TTK: variants seen among roughly 807,000 people sequenced by gnomAD.
TTK encodes dual specificity protein kinase TTK.
Under a neutral mutation model 117.3 loss-of-function variants are expected in TTK, and 59 were observed. The observed-to-expected ratio is 0.50, with a 90% CI of 0.41 to 0.62. The LOEUF (loss-of-function observed/expected upper bound fraction) is 0.62, where lower values mean the gene tolerates loss of function less well. Among genes scored for constraint, TTK ranks in the 20% least tolerant of loss-of-function variants. The pLI is 0.00. For missense variants in TTK, 921 were observed against 989.4 expected (o/e 0.93, Z 0.93); for synonymous variants, 302 against 325.0 (o/e 0.93, Z 0.76).
intron 15 of TTK, 37 bp downstream of exon 15, chr6:80,035,179 TG>T: frequency 3.3e-6 from 5 of 1,529,522 alleles, no homozygotes; most frequent in Non-Finnish European, 4.4e-6. Context: ...GAAAACTTTT[TG>T]CCATAATTCT....
Position 80,011,458 on chromosome 6 carries a change from A to T in TTK, c.638A>T (p.Glu213Val). ...LSASTVLTAQ[E>V]SFSGSLGHLQ... is the part of the protein sequence containing the mutation. Reference sequence around the variant, plus strand: ...GCATCTACGGTATTAACTGCCCAAGAATCATTTTCCGGTTCACTTGGGCAT... The same window carrying T: ...GCATCTACGGTATTAACTGCCCAAGTATCATTTTCCGGTTCACTTGGGCAT... The change falls in exon 6 of 22, where the codon GAA (glutamate) becomes GTA (valine). Residue 213 changes from glutamate to valine, a missense_variant. Coordinates refer to ENST00000369798, the MANE Select transcript of TTK (RefSeq NM_003318.5). 1 of 1,604,334 alleles carries T rather than the reference A, an allele frequency of 6.2e-7. No homozygotes were observed. The highest frequency in any genetic ancestry group is 1.1e-5 in the South Asian group (1 of 88,686).
chr6:80,036,359 T>C (rs757224679), intron 16 of TTK, 116 bp from the exon 17 acceptor site: 5 of 1,213,916 alleles, frequency 4.1e-6, no homozygotes, highest in African/African-American at 3.1e-5. Context: ...AAAAAAATTA[T>C]TGAATTGGGT....
chr6:80,040,049 C>A, intron 19 of TTK, 147 bp from the exon 20 acceptor site: 1 of 937,788 alleles, frequency 1.1e-6, no homozygotes, highest in Non-Finnish European at 1.5e-6. Flanking sequence ...GCAAAAGTGC[C>A]TTGGGAGAAA....
chr6:80,039,669 T>C, intron 18 of TTK, 27 bp from the exon 19 acceptor site: 2 of 1,478,700 alleles, frequency 1.4e-6, no homozygotes, highest in Non-Finnish European at 8.9e-7. Context: ...ACAGCAACTT[T>C]TTTGTGTTTG....
chr6:80,005,464 C>G (rs1050235884), intron 1 of TTK, among the ~76,000 whole-genome samples: 1 of 152,174 alleles, frequency 6.6e-6, no homozygotes, highest in African/African-American at 2.4e-5. Flanking sequence ...ATTCCCATTG[C>G]CAAACGAATT....
At chr6:80,013,223 T>G in intron 8 of TTK, 56 bp from the exon 9 acceptor site, 1 of 1,441,156 alleles carries the variant, frequency 6.9e-7, no homozygotes. Flanking sequence ...AAAAATACAT[T>G]GAAAATTTTT....
intron 16 of TTK, among the ~76,000 whole-genome samples, chr6:80,035,637 A>T (rs540080006): frequency 6.6e-6 from 1 of 152,272 alleles, no homozygotes; most frequent in South Asian, 2.1e-4. Context: ...GACATCTGTA[A>T]TACAAAATGT....
intron 13 of TTK, among the ~76,000 whole-genome samples, chr6:80,029,011 G>A (rs239582): frequency 6.6e-6 from 1 of 151,928 alleles, no homozygotes; most frequent in Non-Finnish European, 1.5e-5. Flanking sequence ...AGTTAATATA[G>A]ACGTAACTCC....
At chr6:80,041,495 T>C (rs1171881143) in intron 21 of TTK, among the ~76,000 whole-genome samples, 5 of 151,656 alleles carry the variant, frequency 3.3e-5, no homozygotes, top group Admixed American at 6.6e-5. Context: ...CCAAATTTGT[T>C]TTGTAATTGC....
Position 80,026,418 on chromosome 6 carries a change from C to T in TTK, c.1298C>T (p.Ser433Leu), listed in dbSNP as rs74677005. The change falls in exon 12 of 22, where the codon TCA becomes TTA. Residue 433 changes from serine (S) to leucine (L), a missense_variant. Coordinates refer to ENST00000369798, the MANE Select transcript of TTK (RefSeq NM_003318.5). ...TTFEQPVFSVSKQSPPISTSK... is the reference protein window; with the variant it reads ...TTFEQPVFSVLKQSPPISTSK... ...TTTGAGCAACCTGTCTTTTCAGTTT[C>T]AAAACAGTCACCACCAATATCAACA... 6.2e-7 allele frequency: 1 copy of T among 1,613,428 alleles called. No individual in the cohort carries two copies. Among genetic ancestry groups the T allele is most frequent in the Non-Finnish European group, 8.5e-7 (1 of 1,179,810 alleles).
Position 80,035,404 on chromosome 6 carries a change from A to C in TTK, c.1911A>C (p.Thr637=), listed in dbSNP as rs753312816. 87 of 1,604,910 alleles carry C rather than the reference A, an allele frequency of 5.4e-5. No individual in the cohort carries two copies. In the South Asian group the frequency reaches 8.1e-4, roughly 15 times the overall value. Residue 637 remains threonine, a synonymous_variant, in exon 16 of 22, where the codon ACA becomes ACC. Transcript: ENST00000369798. ...AAAATATGTTAGAGGCAGTTCACAC[A>C]ATCCATCAACATGGTATTTAACAGT... ...YWKNMLEAVH[T]IHQHGIVHSD... is the part of the protein sequence containing the mutation.
chr6:80,040,118 A>G, intron 19 of TTK, 78 bp from the exon 20 acceptor site: 1 of 1,158,144 alleles, frequency 8.6e-7, no homozygotes, highest in Non-Finnish European at 1.2e-6. Context: ...AATATAATGT[A>G]ATCTGGAAAA....
At chr6:80,021,316 G>T (rs917474281) in intron 10 of TTK, among the ~76,000 whole-genome samples, 1 of 152,198 alleles carries the variant, frequency 6.6e-6, no homozygotes, top group Non-Finnish European at 1.5e-5. Context: ...TGGCTCCTGC[G>T]TTGGCCTGGT....
At chr6:80,033,070 C>T (rs920177918) in intron 14 of TTK, among the ~76,000 whole-genome samples, 1 of 152,096 alleles carries the variant, frequency 6.6e-6, no homozygotes, top group African/African-American at 2.4e-5. Flanking sequence ...AAAAATCAAA[C>T]TTGTTTCTCC....
intron 12 of TTK, 33 bp downstream of exon 12, chr6:80,026,547 G>C (rs1397436300): frequency 6.2e-7 from 1 of 1,610,574 alleles, no homozygotes; most frequent in Non-Finnish European, 8.5e-7. Flanking sequence ...TGATTGGCAG[G>C]GTGGTATGAT....
intron 14 of TTK, among the ~76,000 whole-genome samples, chr6:80,034,208 C>A (rs977006228): frequency 2.8e-4 from 42 of 152,100 alleles, no homozygotes; most frequent in Admixed American, 1.0e-3. Context: ...AGGCAGTGAC[C>A]AACTTTTAAG....
intron 10 of TTK, among the ~76,000 whole-genome samples, chr6:80,019,406 CATAAG>C (rs1397883447): frequency 6.6e-6 from 1 of 152,122 alleles, no homozygotes; most frequent in African/African-American, 2.4e-5. Context: ...CATGCTTTCC[CATAAG>C]ATAATTTTTT....
intron 1 of TTK, chr6:80,004,990 C>G (rs865993812): frequency 6.6e-6 from 1 of 152,222 alleles, no homozygotes; most frequent in Non-Finnish European, 1.5e-5. Flanking sequence ...CGCACAAGAT[C>G]GTTTTCCAAA....
intron 3 of TTK, 63 bp from the exon 4 acceptor site, chr6:80,008,323 C>T: frequency 6.8e-7 from 1 of 1,468,468 alleles, no homozygotes; most frequent in Non-Finnish European, 9.3e-7. Flanking sequence ...TTGAATGAAG[C>T]ATTATCAAAT....
Sources: allele counts gnomAD v4.1 joint callset (sites outside exome capture counted in the v4.1 genomes callset), GRCh38; gene constraint gnomAD v4.1.1; transcripts MANE v1.5; gene names NCBI Gene and HGNC (gene_info 2026-07-23, HGNC 2026-07-21).